TMEM132E: variants seen among roughly 807,000 people sequenced by gnomAD.
The protein encoded by TMEM132E is transmembrane protein 132E.
A neutral mutation model predicts 78.5 loss-of-function variants in TMEM132E; 49 were observed. The observed-to-expected ratio is 0.62, with a 90% CI of 0.50 to 0.79. The LOEUF is 0.79. Among genes scored for constraint, TMEM132E ranks in the 30% least tolerant of loss-of-function variants. The pLI is 0.00. For synonymous variants in TMEM132E, 715 were observed against 670.6 expected (o/e 1.07, Z -1.02); for missense variants, 1,403 against 1,470.9 (o/e 0.95, Z 0.75).
rs950684901 is a variant in TMEM132E, at chr17:34,579,906, G to A, written c.-1171G>A. The A allele has an allele frequency of 4.6e-5, 7 of 152,214 alleles. No individual in the cohort carries two copies. Among genetic ancestry groups the A allele is most frequent in the African/African-American group, 1.7e-4 (7 of 41,456 alleles). 9.4% of individuals were successfully genotyped at this position (152,214 alleles called of 1,614,324 possible). A position where few individuals can be genotyped will look rare whatever the true frequency, so the allele number is the denominator to read the frequency against. ...TCGCCCAAACTGACTCGGAGGGAGCGGGAGCCGATGCCCGGCAGCATCGAG... is the reference window on the plus strand; with the variant it reads ...TCGCCCAAACTGACTCGGAGGGAGCAGGAGCCGATGCCCGGCAGCATCGAG... On this transcript the variant is annotated 5_prime_UTR_variant, in exon 1 of 9. Transcript: ENST00000631683.
intron 1 of TMEM132E, among the ~76,000 whole-genome samples, chr17:34,581,887 G>A (rs966180920): frequency 1.3e-5 from 2 of 152,040 alleles, no homozygotes; most frequent in African/African-American, 4.8e-5. Context: ...ATTGAGGTTG[G>A]CGCGCTTTGG....
chr17:34,593,897 C>T lies in TMEM132E; in HGVS notation c.67+12754C>T, dbSNP rs111737294. ...TCTTTGACCCAATCTTCCCCTTCAC[C>T]TGCTCGTCTCCGGTCACGCTGGCTT... On this transcript the variant is annotated intron_variant, in intron 1 of 8. Coordinates refer to ENST00000631683, the MANE Select transcript of TMEM132E (RefSeq NM_001304438.2). Among the ~76,000 whole-genome samples the T allele has an allele frequency of 4.9e-4, 75 of 152,352 alleles. 1 individual carries two copies. Among genetic ancestry groups the T allele is most frequent in the African/African-American group, 1.7e-3 (70 of 41,582 alleles).
intron 1 of TMEM132E, among the ~76,000 whole-genome samples, chr17:34,603,877 C>T (rs1906322134): frequency 6.6e-6 from 1 of 152,202 alleles, no homozygotes; most frequent in Non-Finnish European, 1.5e-5. Context: ...GAGTTCCTCA[C>T]TGTGGGTACC....
chr17:34,617,359 T>G (rs1214525396), intron 1 of TMEM132E, among the ~76,000 whole-genome samples: 1 of 152,248 alleles, frequency 6.6e-6, no homozygotes, highest in African/African-American at 2.4e-5. Context: ...CACTGCTCCA[T>G]GTGCCTGTCA....
intron 2 of TMEM132E, among the ~76,000 whole-genome samples, chr17:34,627,916 G>A (rs912267345): frequency 3.3e-5 from 5 of 152,198 alleles, no homozygotes; most frequent in Non-Finnish European, 7.3e-5. Context: ...TGCATTAATA[G>A]GAGTAGAGCT....
Position 34,580,778 on chromosome 17 carries a change from C to G in TMEM132E, c.-299C>G, listed in dbSNP as rs544160169. Reference sequence around the variant, plus strand: ...CGGGACGCCCGCGGCCACCGGGCTCCGGACTGCACGTGCAGCTCCCCCCGC... The same window carrying G: ...CGGGACGCCCGCGGCCACCGGGCTCGGGACTGCACGTGCAGCTCCCCCCGC... On this transcript the variant is annotated 5_prime_UTR_variant, in exon 1 of 9. Transcript: ENST00000631683. 3 of 348,272 alleles carry G rather than the reference C, an allele frequency of 8.6e-6. No individual in the cohort carries two copies. Among genetic ancestry groups the G allele is most frequent in the Non-Finnish European group, 1.6e-5 (3 of 192,296 alleles). 21.6% of individuals were successfully genotyped at this position (348,272 alleles called of 1,614,324 possible).
In TMEM132E at chr17:34,622,855, G is replaced by A. The variant is rs983568340; in HGVS notation, c.68-3272G>A. Reference sequence around the variant, plus strand: ...ACAGACACATGCATATAATATAGAGGTAAGTGGCGGTAAGTGCTATGAAGA... The same window carrying A: ...ACAGACACATGCATATAATATAGAGATAAGTGGCGGTAAGTGCTATGAAGA... On this transcript the variant is annotated intron_variant, in intron 1 of 8. Coordinates refer to ENST00000631683, the MANE Select transcript of TMEM132E (RefSeq NM_001304438.2). Among the ~76,000 whole-genome samples the A allele has an allele frequency of 1.9e-4, 29 of 152,280 alleles. 1 individual carries two copies. Among genetic ancestry groups the A allele is most frequent in the Non-Finnish European group, 3.7e-4 (25 of 68,028 alleles).
At chr17:34,616,478 C>A (rs1906782719) in intron 1 of TMEM132E, among the ~76,000 whole-genome samples, 1 of 152,204 alleles carries the variant, frequency 6.6e-6, no homozygotes, top group Non-Finnish European at 1.5e-5. Context: ...ATTATGTATT[C>A]CCCGGCTACA....
intron 8 of TMEM132E, among the ~76,000 whole-genome samples, chr17:34,636,471 C>G (rs1203803068): frequency 6.6e-6 from 1 of 152,176 alleles, no homozygotes; most frequent in African/African-American, 2.4e-5. Flanking sequence ...CTCCACATCA[C>G]CCCCAGGAAG....
In TMEM132E at chr17:34,632,917, C is replaced by T. The variant is rs756852883; in HGVS notation, c.1688+8C>T. The T allele has an allele frequency of 3.1e-6, 5 of 1,613,878 alleles. No individual in the cohort carries two copies. In the Admixed American group the frequency reaches 8.3e-5, roughly 27 times the overall value. On this transcript the variant is annotated splice_region_variant and intron_variant, in intron 6 of 8. Coordinates refer to ENST00000631683, the MANE Select transcript of TMEM132E (RefSeq NM_001304438.2). ...TATCCTCCCCGACCGGAGGTACAGC[C>T]CCTCTCCCATGGCGGATACTTGGGA...
Position 34,626,670 on chromosome 17 carries a change from C to T in TMEM132E, c.611C>T (p.Ala204Val). ...ELPLAWFGPP[A>V]PAAPPTARRK... Reference sequence around the variant, plus strand: ...CCCCTGGCCTGGTTCGGGCCCCCAGCCCCCGCTGCGCCACCCACGGCCCGC... The same window carrying T: ...CCCCTGGCCTGGTTCGGGCCCCCAGTCCCCGCTGCGCCACCCACGGCCCGC... Residue 204 changes from alanine (A) to valine (V), a missense_variant, in exon 2 of 9, where the codon GCC becomes GTC. Physicochemically the swap from Ala to Val is moderately conservative, Grantham distance 64. Coordinates refer to ENST00000631683, the MANE Select transcript of TMEM132E (RefSeq NM_001304438.2). The T allele has an allele frequency of 7.1e-7, 1 of 1,408,756 alleles. No homozygotes were observed. The highest frequency in any genetic ancestry group is 1.5e-5 in the South Asian group (1 of 66,710). 87.3% of individuals were successfully genotyped at this position (1,408,756 alleles called of 1,614,324 possible). A position where few individuals can be genotyped will look rare whatever the true frequency, so the allele number is the denominator to read the frequency against.
At chr17:34,582,580 G>T (rs1567709013) in intron 1 of TMEM132E, among the ~76,000 whole-genome samples, 1 of 151,898 alleles carries the variant, frequency 6.6e-6, no homozygotes, top group African/African-American at 2.4e-5. Flanking sequence ...GGAGGAATAG[G>T]CAGAGCAGCG....
In TMEM132E at chr17:34,581,020, G is replaced by A; in HGVS notation, c.-57G>A. The A allele has an allele frequency of 1.4e-6, 2 of 1,459,618 alleles. No individual in the cohort carries two copies. The highest frequency in any genetic ancestry group is 1.8e-6 in the Non-Finnish European group (2 of 1,090,102). 90.4% of individuals were successfully genotyped at this position (1,459,618 alleles called of 1,614,324 possible). A position where few individuals can be genotyped will look rare whatever the true frequency, so the allele number is the denominator to read the frequency against. The stretch of plus-strand genomic sequence containing the variant: ...GTTGGATGTGACCAAGCCCAGCCTG[G>A]GGCCAAGTCGTCGTCGACTGTTGCT... On this transcript the variant is annotated 5_prime_UTR_variant, in exon 1 of 9. Coordinates refer to ENST00000631683, the MANE Select transcript of TMEM132E (RefSeq NM_001304438.2).
chr17:34,611,031 A>G (rs1347333607), intron 1 of TMEM132E, among the ~76,000 whole-genome samples: 1 of 152,248 alleles, frequency 6.6e-6, no homozygotes, highest in Non-Finnish European at 1.5e-5. Context: ...AACTTGATTC[A>G]CAACCTGTTT....
chr17:34,582,303 T>G (rs1473138032), intron 1 of TMEM132E, among the ~76,000 whole-genome samples: 1 of 152,038 alleles, frequency 6.6e-6, no homozygotes, highest in African/African-American at 2.4e-5. Context: ...ATCTGCCCAG[T>G]CCCTAAGAGC....
At chr17:34,590,687 G>A (rs1360544821) in intron 1 of TMEM132E, among the ~76,000 whole-genome samples, 2 of 152,166 alleles carry the variant, frequency 1.3e-5, no homozygotes, top group Non-Finnish European at 2.9e-5. Context: ...TGAAGAAATA[G>A]CAAGATACAA....
chr17:34,595,517 A>T (rs1906025979), intron 1 of TMEM132E, among the ~76,000 whole-genome samples: 1 of 152,182 alleles, frequency 6.6e-6, no homozygotes, highest in Admixed American at 6.5e-5. Flanking sequence ...TGTACTCTGA[A>T]TTCCTCTCTG....
chr17:34,612,092 A>AC (rs1237440096), intron 1 of TMEM132E, among the ~76,000 whole-genome samples: 1 of 151,818 alleles, frequency 6.6e-6, no homozygotes, highest in African/African-American at 2.4e-5. Flanking sequence ...AGTGCCCTAG[A>AC]CCCCCAGAGT....
At chr17:34,628,989 C>G in intron 3 of TMEM132E, 23 bp from the exon 4 acceptor site, 1 of 1,535,372 alleles carries the variant, frequency 6.5e-7, no homozygotes, top group Non-Finnish European at 8.8e-7. Context: ...CCTCTGCTCT[C>G]CTTCCCTCCC....
Sources: allele counts gnomAD v4.1 joint callset (sites outside exome capture counted in the v4.1 genomes callset), GRCh38; gene constraint gnomAD v4.1.1; transcripts MANE v1.5; gene names NCBI Gene and HGNC (gene_info 2026-07-23, HGNC 2026-07-21).